Variants in TRPC6 observed in about 807,000 individuals in gnomAD.
TRPC6 encodes transient receptor potential cation channel subfamily C member 6.
A neutral mutation model predicts 90.7 loss-of-function variants in TRPC6; 55 were observed. The ratio of observed to expected loss-of-function variants is 0.61; its 90% CI spans 0.49 to 0.76. TRPC6 has a LOEUF of 0.76. Among genes scored for constraint, TRPC6 ranks in the 30% least tolerant of loss-of-function variants. TRPC6 has a pLI of 0.00. For synonymous variants in TRPC6, 393 were observed against 393.0 expected, an observed-to-expected ratio of 1.00 and a Z score of 0.00; for missense variants, 989 against 1,122.7, an observed-to-expected ratio of 0.88 and a Z score of 1.70.
chr11:101,572,878 C>T (rs1377191111), intron 1 of TRPC6, among the ~76,000 whole-genome samples: 5 of 151,868 alleles, frequency 3.3e-5, no homozygotes, highest in African/African-American at 9.7e-5. Context: ...GGCTATGGGA[C>T]GGATAGCATT....
chr11:101,484,380 A>G (rs766915047), intron 4 of TRPC6, among the ~76,000 whole-genome samples: 1 of 152,204 alleles, frequency 6.6e-6, no homozygotes, highest in Non-Finnish European at 1.5e-5. Flanking sequence ...TATGTAAATT[A>G]TTAGGAATTA....
rs1428315151 is a variant in TRPC6 at position 101,583,838 on chromosome 11, A to G, written c.-335T>C. ...TAGCGAAGCGTAAGAGCGGAGAGCA[A>G]GGGAGACGGAGCTGAAGAGTTACTA... On this transcript the variant is annotated 5_prime_UTR_variant, in exon 1 of 13. Transcript: ENST00000344327. The G allele has an allele frequency of 7.2e-6, 2 of 277,582 alleles. No homozygotes were observed. Among genetic ancestry groups the G allele is most frequent in the Non-Finnish European group, 1.3e-5 (2 of 148,676 alleles). 17.2% of individuals were successfully genotyped at this position (277,582 alleles called of 1,614,324 possible).
chr11:101,534,350 G>T (rs1860984621), intron 1 of TRPC6, among the ~76,000 whole-genome samples: 1 of 152,118 alleles, frequency 6.6e-6, no homozygotes, highest in African/African-American at 2.4e-5. Flanking sequence ...TGGCCAGGCT[G>T]GTCTCGAACT....
At chr11:101,534,816 G>A (rs562004308) in intron 1 of TRPC6, among the ~76,000 whole-genome samples, 8 of 152,128 alleles carry the variant, frequency 5.3e-5, no homozygotes, top group South Asian at 2.1e-4. Flanking sequence ...AGATTTCTAC[G>A]TATCAGAAAC....
intron 1 of TRPC6, among the ~76,000 whole-genome samples, chr11:101,527,047 G>A (rs886471351): frequency 6.6e-6 from 1 of 152,052 alleles, no homozygotes; most frequent in South Asian, 2.1e-4. Context: ...TTATATAGCT[G>A]CAAGGCTGTG....
chr11:101,561,177 C>A (rs1861703726), intron 1 of TRPC6, among the ~76,000 whole-genome samples: 1 of 152,092 alleles, frequency 6.6e-6, no homozygotes, highest in Admixed American at 6.6e-5. Context: ...TCAATTCTAT[C>A]AGTGGGTTTG....
At chr11:101,463,931 T>C (rs1591524108) in intron 10 of TRPC6, among the ~76,000 whole-genome samples, 1 of 152,324 alleles carries the variant, frequency 6.6e-6, no homozygotes, top group South Asian at 2.1e-4. Flanking sequence ...CTGCCTTCTC[T>C]TGTGGGCATT....
At chr11:101,508,594 G>A (rs917795629) in intron 1 of TRPC6, among the ~76,000 whole-genome samples, 6 of 152,036 alleles carry the variant, frequency 3.9e-5, no homozygotes, top group African/African-American at 1.5e-4. Context: ...CTTATCTTCT[G>A]TATTTATTGC....
At chr11:101,491,808 A>T in intron 2 of TRPC6, 70 bp from the exon 3 acceptor site, 1 of 1,286,742 alleles carries the variant, frequency 7.8e-7, no homozygotes, top group Non-Finnish European at 1.1e-6. Flanking sequence ...CAGAGACTTG[A>T]AGGATTTTAT....
intron 5 of TRPC6, among the ~76,000 whole-genome samples, chr11:101,478,478 C>G (rs1859466373): frequency 6.6e-6 from 1 of 152,024 alleles, no homozygotes; most frequent in African/African-American, 2.4e-5. Context: ...TCAAAGCTTC[C>G]TCCCACTTTT....
intron 1 of TRPC6, among the ~76,000 whole-genome samples, chr11:101,517,907 A>G (rs574083260): frequency 4.7e-4 from 71 of 152,342 alleles, no homozygotes; most frequent in African/African-American, 1.7e-3. Context: ...CTTATGATGA[A>G]GATCCAGTTC....
chr11:101,461,621 G>A (rs906470375), intron 10 of TRPC6, among the ~76,000 whole-genome samples: 2 of 152,170 alleles, frequency 1.3e-5, no homozygotes, highest in Non-Finnish European at 2.9e-5. Flanking sequence ...CCTTTTGGAG[G>A]TAAGCTATTT....
chr11:101,520,359 C>A (rs564263986), intron 1 of TRPC6, among the ~76,000 whole-genome samples: 2 of 152,260 alleles, frequency 1.3e-5, no homozygotes, highest in South Asian at 2.1e-4. Context: ...GTACAGCCTG[C>A]AGAACCTCTT....
chr11:101,473,155 A>G (rs1859332637), intron 7 of TRPC6, among the ~76,000 whole-genome samples: 1 of 152,126 alleles, frequency 6.6e-6, no homozygotes, highest in South Asian at 2.1e-4. Flanking sequence ...AACAGACCCT[A>G]GAGTCAGCAA....
intron 1 of TRPC6, among the ~76,000 whole-genome samples, chr11:101,572,412 G>C (rs1018434147): frequency 2.6e-5 from 4 of 152,208 alleles, no homozygotes; most frequent in Non-Finnish European, 5.9e-5. Context: ...CTGTTGGTGG[G>C]AGTGTAAACT....
chr11:101,559,894 T>C lies in TRPC6; in HGVS notation c.170+23440A>G, dbSNP rs1861677539. On this transcript the variant is annotated intron_variant, in intron 1 of 12. Coordinates refer to ENST00000344327, the MANE Select transcript of TRPC6 (RefSeq NM_004621.6). ...GGGAGAACATGTGGTGTTTGGTTTT[T>C]TGTCCTTGCGATAGTTTGCTGAGAA... 2.6e-5 allele frequency among the ~76,000 whole-genome samples: 4 copies of C among 151,536 alleles called. No homozygotes were observed. In the South Asian group the frequency reaches 6.3e-4, roughly 24 times the overall value.
intron 1 of TRPC6, among the ~76,000 whole-genome samples, chr11:101,582,712 C>T (rs1026865645): frequency 1.3e-5 from 2 of 152,122 alleles, no homozygotes; most frequent in Non-Finnish European, 1.5e-5. Flanking sequence ...TGAAAAGGTT[C>T]GCGCCGCCGG....
chr11:101,568,868 C>A (rs1861893279), intron 1 of TRPC6, among the ~76,000 whole-genome samples: 1 of 152,092 alleles, frequency 6.6e-6, no homozygotes, highest in Non-Finnish European at 1.5e-5. Context: ...AGGAAACACT[C>A]AACATGGAAA....
intron 4 of TRPC6, among the ~76,000 whole-genome samples, chr11:101,486,802 T>A (rs143189398): frequency 1.3e-5 from 2 of 152,144 alleles, no homozygotes; most frequent in African/African-American, 4.8e-5. Flanking sequence ...AAGCACCAAT[T>A]TAGCTGAAGC....
Sources: allele counts gnomAD v4.1 joint callset (sites outside exome capture counted in the v4.1 genomes callset), GRCh38; gene constraint gnomAD v4.1.1; transcripts MANE v1.5; gene names NCBI Gene and HGNC (gene_info 2026-07-23, HGNC 2026-07-21).